HK2: variants seen among roughly 807,000 people sequenced by gnomAD.
The protein encoded by HK2 is hexokinase 2.
HK2 carries 42 observed loss-of-function variants against 92.9 expected under a neutral mutation model. That is an observed-to-expected ratio of 0.45 (90% CI 0.35 to 0.58). The LOEUF (loss-of-function observed/expected upper bound fraction) is 0.58. Ranked by LOEUF, HK2 falls within the 20% of genes least tolerant of loss-of-function variation. The pLI is 0.00. For missense variants in HK2, 978 were observed against 1,245.1 expected (o/e 0.79, Z 3.23); for synonymous variants, 422 against 468.0 (o/e 0.90, Z 1.27).
intron 3 of HK2, among the ~76,000 whole-genome samples, chr2:74,870,611 C>G (rs1387778791): frequency 7.4e-6 from 1 of 135,512 alleles, no homozygotes; most frequent in African/African-American, 2.7e-5. Flanking sequence ...ATCATTTTGA[C>G]TAGAGTGCCA....
At chr2:74,875,322 C>T (rs1689199868) in intron 7 of HK2, among the ~76,000 whole-genome samples, 1 of 125,018 alleles carries the variant, frequency 8.0e-6, no homozygotes, top group Admixed American at 8.7e-5. Flanking sequence ...AGAGTCCTTG[C>T]TTTCGTTTTT....
intron 2 of HK2, among the ~76,000 whole-genome samples, chr2:74,865,047 C>A (rs999058504): frequency 6.6e-6 from 1 of 152,132 alleles, no homozygotes; most frequent in African/African-American, 2.4e-5. Flanking sequence ...CGTAACCATG[C>A]GTGGGCGTTA....
intron 8 of HK2, 89 bp downstream of exon 8, chr2:74,877,410 A>G (rs994067907): frequency 7.5e-6 from 11 of 1,457,754 alleles, no homozygotes; most frequent in African/African-American, 1.4e-5. Flanking sequence ...GTACCTTTTG[A>G]CTCTTCAAGT....
intron 3 of HK2, 30 bp from the exon 4 acceptor site, chr2:74,872,270 T>A (rs753525356): frequency 3.1e-6 from 5 of 1,613,538 alleles, no homozygotes; most frequent in Non-Finnish European, 4.2e-6. Context: ...TCGACCTCTC[T>A]GCTCACCACC....
rs1333554215 is a variant in HK2, at chr2:74,834,568, G to C, written c.-13G>C. 7 of 1,613,798 alleles carry C rather than the reference G, an allele frequency of 4.3e-6. No homozygotes were observed. Among genetic ancestry groups the C allele is most frequent in the Admixed American group, 3.3e-5 (2 of 60,014 alleles). Reference sequence around the variant, plus strand: ...CTCGGTTTCCCAACTCTGCGCCGTCGGGCCGCGGCAGGATGATTGCCTCGC... The same window carrying C: ...CTCGGTTTCCCAACTCTGCGCCGTCCGGCCGCGGCAGGATGATTGCCTCGC... On this transcript the variant is annotated 5_prime_UTR_variant, in exon 1 of 18. Transcript: ENST00000290573. The surrounding 1 kb of genome is among the most constrained non-coding windows in gnomAD (Gnocchi z 4.2).
At chr2:74,849,080 T>G (rs1478621572) in intron 1 of HK2, among the ~76,000 whole-genome samples, 1 of 152,218 alleles carries the variant, frequency 6.6e-6, no homozygotes, top group Non-Finnish European at 1.5e-5. Flanking sequence ...GAATGTCCCC[T>G]TTTGTTCTCT....
intron 1 of HK2, among the ~76,000 whole-genome samples, chr2:74,844,575 C>T (rs903222812): frequency 2.0e-5 from 3 of 152,142 alleles, no homozygotes; most frequent in Non-Finnish European, 4.4e-5. Context: ...GGGACAGACC[C>T]AGAGGTATTT....
rs1573389509 is a variant in HK2, at chr2:74,883,281, G to A, written c.1839+1042G>A. Reference sequence around the variant, plus strand: ...GGCTGATGAAGCAAGCTCAGAAAAGGAAGAGCTGCTGTTTGGAATGTGGCC... The same window carrying A: ...GGCTGATGAAGCAAGCTCAGAAAAGAAAGAGCTGCTGTTTGGAATGTGGCC... On this transcript the variant is annotated intron_variant, in intron 12 of 17. Transcript: ENST00000290573. Among the ~76,000 whole-genome samples the A allele has an allele frequency of 2.0e-5, 3 of 152,344 alleles. No individual in the cohort carries two copies. The Middle Eastern group carries it at 0.01, about 518-fold the overall frequency.
At position 74,890,824 on chromosome 2, in the gene HK2, G is replaced by A. The variant is rs1689658933; in HGVS notation, c.2637G>A (p.Val879=). 1 of 1,614,018 alleles carries A rather than the reference G, an allele frequency of 6.2e-7. No individual in the cohort carries two copies. Among genetic ancestry groups the A allele is most frequent in the Non-Finnish European group, 8.5e-7 (1 of 1,180,036 alleles). Residue 879 remains valine, a synonymous_variant, in exon 18 of 18, where the codon GTG becomes GTA. Coordinates refer to ENST00000290573, the MANE Select transcript of HK2 (RefSeq NM_000189.5). ...TTGCCAAAGTCATGCATGAGACAGT[G>A]AAGGACCTGGCTCCGAAATGTGATG... ...PHFAKVMHET[V]KDLAPKCDVS...
intron 1 of HK2, among the ~76,000 whole-genome samples, chr2:74,852,022 G>A (rs1382342281): frequency 1.3e-5 from 2 of 152,198 alleles, no homozygotes; most frequent in East Asian, 1.9e-4. Context: ...CAAGCCAAAC[G>A]TGGCCCCTCG....
chr2:74,884,382 G>A (rs1160377812), intron 12 of HK2, among the ~76,000 whole-genome samples: 1 of 152,242 alleles, frequency 6.6e-6, no homozygotes, highest in Non-Finnish European at 1.5e-5. Flanking sequence ...GTGGCCCCCA[G>A]CTGTGTTTCC....
intron 1 of HK2, among the ~76,000 whole-genome samples, chr2:74,837,919 C>T (rs559493143): frequency 2.6e-5 from 4 of 152,124 alleles, no homozygotes; most frequent in Admixed American, 6.5e-5. Flanking sequence ...TGTGATCCAC[C>T]TGCCTCAGCC....
At chr2:74,843,133 G>A (rs1688355810) in intron 1 of HK2, among the ~76,000 whole-genome samples, 1 of 152,136 alleles carries the variant, frequency 6.6e-6, no homozygotes, top group African/African-American at 2.4e-5. Context: ...GATAGGTTTG[G>A]CCCCACCGAC....
At chr2:74,878,364 A>C (rs1356939962) in intron 8 of HK2, among the ~76,000 whole-genome samples, 2 of 152,050 alleles carry the variant, frequency 1.3e-5, no homozygotes, top group African/African-American at 4.8e-5. Context: ...CCTTGTTTTT[A>C]CATAGCACAT....
chr2:74,834,461 A>G lies in HK2; in HGVS notation c.-120A>G, dbSNP rs1688098069. 1 of 960,054 alleles carries G rather than the reference A, an allele frequency of 1.0e-6. No homozygotes were observed. Among genetic ancestry groups the G allele is most frequent in the African/African-American group, 1.6e-5 (1 of 60,848 alleles). 59.5% of individuals were successfully genotyped at this position (960,054 alleles called of 1,614,324 possible). On this transcript the variant is annotated 5_prime_UTR_variant, in exon 1 of 18. Coordinates refer to ENST00000290573, the MANE Select transcript of HK2 (RefSeq NM_000189.5). This position sits in a 1 kb window ranked among gnomAD's most constrained non-coding sequence, Gnocchi z 4.2. ...GTAGCCTTCTTTGTGCGCCGTCCGG[A>G]CTCCCAGCTCCCGGCCCGGCAGCCG...
chr2:74,874,399 T>C lies in HK2; in HGVS notation c.825T>C (p.Thr275=), dbSNP rs1213132195. 6.2e-7 allele frequency: 1 copy of C among 1,612,690 alleles called. No homozygotes were observed. The highest frequency in any genetic ancestry group is 8.5e-7 in the Non-Finnish European group (1 of 1,179,290). ...GDDGSLNDIR[T]EFDQEIDMGS... is the part of the protein sequence containing the mutation. ...ATGGCTCGCTCAACGACATTCGCAC[T>C]GAGTTTGACCAGGAGATTGACATGG... The change falls in exon 7 of 18, where the codon ACT becomes ACC. Residue 275 remains threonine (T), a synonymous_variant. Transcript: ENST00000290573.
intron 1 of HK2, among the ~76,000 whole-genome samples, chr2:74,852,420 AGAAAG>A (rs1251656474): frequency 6.6e-6 from 1 of 152,214 alleles, no homozygotes; most frequent in African/African-American, 2.4e-5. Flanking sequence ...TTCACTGAAA[AGAAAG>A]GGGCCTTGTC....
chr2:74,838,262 A>G (rs1322656027), intron 1 of HK2, among the ~76,000 whole-genome samples: 2 of 152,160 alleles, frequency 1.3e-5, no homozygotes, highest in African/African-American at 2.4e-5. Flanking sequence ...GTACAAGAGT[A>G]AAGGAGGAGA....
intron 3 of HK2, among the ~76,000 whole-genome samples, chr2:74,868,720 T>A (rs976075431): frequency 6.6e-6 from 1 of 152,228 alleles, no homozygotes; most frequent in Admixed American, 6.5e-5. Flanking sequence ...ATCCCCCAGA[T>A]GATAAATGTT....
Sources: gnomAD v4.1 joint callset for allele counts (sites outside exome capture counted in the v4.1 genomes callset) on GRCh38, gnomAD v4.1.1 for gene constraint, Gnocchi (gnomAD v3.1) non-coding constraint, MANE v1.5 for transcripts, NCBI Gene and HGNC (gene_info 2026-07-23, HGNC 2026-07-21) for gene names.